The following MSI2 variants were observed in gnomAD, a reference collection of about 807,000 sequenced individuals.
MSI2 encodes RNA-binding protein Musashi homolog 2.
In MSI2, 17 loss-of-function variants were observed where a neutral mutation model predicts 45.6. The observed-to-expected ratio is 0.37, with a 90% CI of 0.26 to 0.56. The LOEUF (loss-of-function observed/expected upper bound fraction) is 0.56, where lower values mean the gene tolerates loss of function less well. MSI2 is among the 20% of genes least tolerant of loss of function. The probability of loss-of-function intolerance (pLI) is 0.77; values close to 1 mark genes in which losing one functional copy is unlikely to be tolerated. For synonymous variants in MSI2, 156 were observed against 158.2 expected (o/e 0.99, Z 0.11); for missense variants, 293 against 444.2 (o/e 0.66, Z 3.06).
chr17:57,451,577 G>A (rs147567360), intron 6 of MSI2, among the ~76,000 whole-genome samples: 151 of 152,324 alleles, frequency 9.9e-4, no homozygotes, highest in African/African-American at 3.6e-3. Context: ...AGGCCTCGTA[G>A]CTGTTGCTGG....
intron 8 of MSI2, among the ~76,000 whole-genome samples, chr17:57,615,385 C>T (rs1907588527): frequency 6.6e-6 from 1 of 152,120 alleles, no homozygotes; most frequent in African/African-American, 2.4e-5. Flanking sequence ...CCTGCCTCCA[C>T]CTCCCACAGT....
intron 6 of MSI2, among the ~76,000 whole-genome samples, chr17:57,412,683 A>C (rs1311555959): frequency 6.6e-6 from 1 of 152,236 alleles, no homozygotes; most frequent in Non-Finnish European, 1.5e-5. Flanking sequence ...GACAATATGA[A>C]AATGAATGGT....
chr17:57,594,100 A>G (rs1905075284), intron 7 of MSI2, among the ~76,000 whole-genome samples: 1 of 152,230 alleles, frequency 6.6e-6, no homozygotes, highest in African/African-American at 2.4e-5. Context: ...TCACTCACTT[A>G]GCACTTGGTG....
At chr17:57,574,463 G>A (rs116358839) in intron 7 of MSI2, among the ~76,000 whole-genome samples, 441 of 152,332 alleles carry the variant, frequency 2.9e-3, no homozygotes, top group African/African-American at 1.0e-2. Flanking sequence ...GGGGCAGGGC[G>A]GAGAAGCCAG....
At chr17:57,522,791 C>T (rs2086619224) in intron 6 of MSI2, 1 of 152,266 alleles carries the variant, frequency 6.6e-6, no homozygotes, top group Non-Finnish European at 1.5e-5. Context: ...GCACTCCCCA[C>T]CACACCCAGC....
At chr17:57,363,792 AAAC>A (rs1410554952) in intron 5 of MSI2, among the ~76,000 whole-genome samples, 8 of 138,538 alleles carry the variant, frequency 5.8e-5, no homozygotes, top group East Asian at 4.1e-4. Context: ...CAACAACAAC[AAAC>A]AACAACAACA....
chr17:57,321,298 C>G (rs1331491051), intron 5 of MSI2, among the ~76,000 whole-genome samples: 2 of 152,014 alleles, frequency 1.3e-5, no homozygotes, highest in South Asian at 2.1e-4. Flanking sequence ...TGTGCACCAC[C>G]AAGCAGAGAG....
chr17:57,698,849 C>CAA, the MSI2 span, among the ~76,000 whole-genome samples: 2 of 151,342 alleles, frequency 1.3e-5, no homozygotes, highest in African/African-American at 4.9e-5. Context: ...GGCAATTGTT[C>CAA]TCTTCAGTTT....
intron 5 of MSI2, among the ~76,000 whole-genome samples, chr17:57,341,112 A>G (rs76980400): frequency 6.6e-6 from 1 of 152,200 alleles, no homozygotes; most frequent in East Asian, 1.9e-4. Flanking sequence ...AACATGGATG[A>G]TATGAGAGTA....
At chr17:57,491,978 T>A (rs1302437589) in intron 6 of MSI2, among the ~76,000 whole-genome samples, 1 of 152,230 alleles carries the variant, frequency 6.6e-6, no homozygotes, top group East Asian at 1.9e-4. Flanking sequence ...GTGTTGTAAT[T>A]TGCTCCTGAT....
At chr17:57,622,676 A>G (rs1323985103) in intron 9 of MSI2, among the ~76,000 whole-genome samples, 1 of 152,180 alleles carries the variant, frequency 6.6e-6, no homozygotes, top group African/African-American at 2.4e-5. Flanking sequence ...TATCGTTAAG[A>G]ACAGGCACTA....
intron 5 of MSI2, among the ~76,000 whole-genome samples, chr17:57,305,788 C>G (rs1911830685): frequency 6.6e-6 from 1 of 152,130 alleles, no homozygotes; most frequent in Admixed American, 6.5e-5. Flanking sequence ...AGTTGGCTTT[C>G]CCTTTATCCT....
chr17:57,673,923 T>G (rs936715715), intron 11 of MSI2, among the ~76,000 whole-genome samples: 3 of 152,092 alleles, frequency 2.0e-5, no homozygotes, highest in African/African-American at 7.2e-5. Context: ...TCAGTCGGTA[T>G]GTTCTGCATT....
chr17:57,473,697 C>T (rs970129310), intron 6 of MSI2, among the ~76,000 whole-genome samples: 17 of 152,256 alleles, frequency 1.1e-4, no homozygotes, highest in South Asian at 1.0e-3. Flanking sequence ...TGGGGCTCTT[C>T]GAGAACAGAG....
At chr17:57,312,027 T>C (rs1912443102) in intron 5 of MSI2, among the ~76,000 whole-genome samples, 1 of 152,156 alleles carries the variant, frequency 6.6e-6, no homozygotes, top group Non-Finnish European at 1.5e-5. Context: ...CTGCTTTCTC[T>C]GGAGACAAGT....
At chr17:57,488,553 T>C (rs372138942) in intron 6 of MSI2, among the ~76,000 whole-genome samples, 141 of 152,260 alleles carry the variant, frequency 9.3e-4, no homozygotes, top group Middle Eastern at 3.4e-3. Flanking sequence ...CCGGGCGCAG[T>C]GGCTCACGCC....
At chr17:57,544,185 G>C (rs932522151) in intron 7 of MSI2, among the ~76,000 whole-genome samples, 11 of 152,160 alleles carry the variant, frequency 7.2e-5, no homozygotes, top group African/African-American at 2.7e-4. Flanking sequence ...CCCTCGGTTG[G>C]TTTCAGAAAG....
At chr17:57,674,643 T>C (rs558250730) in intron 11 of MSI2, among the ~76,000 whole-genome samples, 3 of 152,176 alleles carry the variant, frequency 2.0e-5, no homozygotes, top group Admixed American at 2.0e-4. Context: ...ATATCTCTAT[T>C]TCTATTGTGA....
chr17:57,355,064 G>C (rs148945929), intron 5 of MSI2, among the ~76,000 whole-genome samples: 1 of 152,106 alleles, frequency 6.6e-6, no homozygotes, highest in Admixed American at 6.6e-5. Context: ...GAATACCTTG[G>C]CCCACATAAC....
Sources: allele counts gnomAD v4.1 joint callset (sites outside exome capture counted in the v4.1 genomes callset), GRCh38; gene constraint gnomAD v4.1.1; transcripts MANE v1.5; gene names NCBI Gene and HGNC (gene_info 2026-07-23, HGNC 2026-07-21).